ADCYAP1R1: variants seen among roughly 807,000 people sequenced by gnomAD.
ADCYAP1R1 encodes ADCYAP receptor type I.
ADCYAP1R1 carries 44 observed loss-of-function variants against 67.6 expected under a neutral mutation model. The ratio of observed to expected loss-of-function variants is 0.65; its 90% CI spans 0.51 to 0.84. The LOEUF (loss-of-function observed/expected upper bound fraction) is 0.84. ADCYAP1R1 is among the 40% of genes least tolerant of loss of function. The pLI, the probability that ADCYAP1R1 is intolerant of heterozygous loss-of-function variation, is 0.00. For missense variants in ADCYAP1R1, 477 were observed against 587.9 expected (o/e 0.81, Z 1.95); for synonymous variants, 222 against 219.6 (o/e 1.01, Z -0.10).
chr7:31,070,065 T>C (rs1794909148), intron 3 of ADCYAP1R1, among the ~76,000 whole-genome samples: 1 of 152,122 alleles, frequency 6.6e-6, no homozygotes, highest in Non-Finnish European at 1.5e-5. Flanking sequence ...CAGAGCCAGC[T>C]CTGGGGTGGG....
chr7:31,106,226 C>T lies in ADCYAP1R1; in HGVS notation c.1219-270C>T, dbSNP rs149694175. Among the ~76,000 whole-genome samples the T allele has an allele frequency of 2.3e-3, 347 of 152,348 alleles. 1 individual carries two copies. The highest frequency in any genetic ancestry group is 7.8e-3 in the African/African-American group (324 of 41,590). Reference sequence around the variant, plus strand: ...AAGGACCCAATGGACTATTCTCTGCCTGGCCTGAAAACAACAGGGAGCCAT... The same window carrying T: ...AAGGACCCAATGGACTATTCTCTGCTTGGCCTGAAAACAACAGGGAGCCAT... On this transcript the variant is annotated intron_variant, in intron 15 of 15. Coordinates refer to ENST00000304166, the MANE Select transcript of ADCYAP1R1 (RefSeq NM_001118.5).
chr7:31,062,102 T>A (rs1353266557), intron 1 of ADCYAP1R1, among the ~76,000 whole-genome samples: 2 of 152,368 alleles, frequency 1.3e-5, no homozygotes, highest in East Asian at 3.9e-4. Context: ...GATGCTGTGG[T>A]GAATGTGCTT....
chr7:31,077,219 G>T (rs1795271081), intron 3 of ADCYAP1R1, among the ~76,000 whole-genome samples: 1 of 152,232 alleles, frequency 6.6e-6, no homozygotes, highest in African/African-American at 2.4e-5. Flanking sequence ...GCACACCTCA[G>T]TGTGTGTATA....
At chr7:31,081,832 A>G in intron 6 of ADCYAP1R1, 78 bp downstream of exon 6, 1 of 1,263,732 alleles carries the variant, frequency 7.9e-7, no homozygotes, top group Non-Finnish European at 1.1e-6. Flanking sequence ...TGAGAACCCC[A>G]TCCCAGGCTG....
In ADCYAP1R1 at chr7:31,084,222, A is replaced by C. The variant is rs931892669; in HGVS notation, c.410A>C (p.Asp137Ala). The change falls in exon 7 of 16, where the codon GAT becomes GCT. Residue 137 changes from aspartate to alanine, a missense_variant. By Grantham distance (126) the Asp-to-Ala change is moderately radical. Transcript: ENST00000304166. ...CATTACTTTGATGCCTGTGGGTTTG[A>C]TGAATATGAATCTGAGACTGGGGAC... Reference protein sequence around the residue: ...FPHYFDACGFDEYESETGDQD... With the variant: ...FPHYFDACGFAEYESETGDQD... 1 of 1,613,970 alleles carries C rather than the reference A, an allele frequency of 6.2e-7. No individual in the cohort carries two copies. The highest frequency in any genetic ancestry group is 8.5e-7 in the Non-Finnish European group (1 of 1,180,000).
At chr7:31,081,891 C>A in intron 6 of ADCYAP1R1, 137 bp downstream of exon 6, 1 of 616,052 alleles carries the variant, frequency 1.6e-6, no homozygotes, top group Non-Finnish European at 2.8e-6. Context: ...GACTTTTTTT[C>A]TCTGATAAAG....
At position 31,066,996 on chromosome 7, in the gene ADCYAP1R1, C is replaced by T. The variant is rs139125014; in HGVS notation, c.157+2060C>T. The stretch of plus-strand genomic sequence containing the variant: ...GCAGATATTGTGTATTTCATGTCAT[C>T]TCCACTGGAGATGAAGGTGGGGGAA... On this transcript the variant is annotated intron_variant, in intron 3 of 15. Coordinates refer to ENST00000304166, the MANE Select transcript of ADCYAP1R1 (RefSeq NM_001118.5). Among the ~76,000 whole-genome samples, 597 of 152,310 alleles carry T rather than the reference C, an allele frequency of 3.9e-3. 7 individuals are homozygous for T. Among genetic ancestry groups the T allele is most frequent in the African/African-American group, 0.014 (574 of 41,580 alleles).
At position 31,109,196 on chromosome 7, in the gene ADCYAP1R1, T is replaced by A. The variant is rs751436930; in HGVS notation, c.*2512T>A. The stretch of plus-strand genomic sequence containing the variant: ...GCCGGGTTCCTATTGGTTAGTTGGT[T>A]GTTTTTCCGTCTGAGTGAATTTTTG... On this transcript the variant is annotated 3_prime_UTR_variant, in exon 16 of 16. Transcript: ENST00000304166. The A allele has an allele frequency of 1.3e-5, 2 of 152,298 alleles. No individual in the cohort carries two copies. Among genetic ancestry groups the A allele is most frequent in the African/African-American group, 4.8e-5 (2 of 41,462 alleles). 9.4% of individuals were successfully genotyped at this position (152,298 alleles called of 1,614,324 possible).
At chr7:31,072,142 A>G (rs560710760) in intron 3 of ADCYAP1R1, among the ~76,000 whole-genome samples, 22 of 152,148 alleles carry the variant, frequency 1.4e-4, no homozygotes, top group Admixed American at 1.4e-3. Context: ...CAATCTTAAA[A>G]TCTCAGAAAC....
chr7:31,068,203 G>A (rs559097931), intron 3 of ADCYAP1R1, among the ~76,000 whole-genome samples: 24 of 146,474 alleles, frequency 1.6e-4, no homozygotes, highest in African/African-American at 6.1e-4. Flanking sequence ...AGACACGCAC[G>A]CATGTGCGCG....
intron 13 of ADCYAP1R1, 111 bp from the exon 14 acceptor site, chr7:31,103,126 G>A: frequency 6.9e-7 from 1 of 1,456,558 alleles, no homozygotes; most frequent in Non-Finnish European, 9.3e-7. Flanking sequence ...GTGGACACGG[G>A]CCCCAGCTTG....
At chr7:31,087,095 C>A in intron 11 of ADCYAP1R1, 92 bp downstream of exon 11, 8 of 1,395,578 alleles carry the variant, frequency 5.7e-6, no homozygotes, top group Middle Eastern at 4.2e-4. Context: ...ATGAACTGCC[C>A]GCAACAAACC....
intron 12 of ADCYAP1R1, among the ~76,000 whole-genome samples, chr7:31,090,206 A>G (rs184840710): frequency 6.6e-6 from 1 of 152,074 alleles, no homozygotes; most frequent in East Asian, 1.9e-4. Context: ...TAGATTTTCT[A>G]TTTCTTCTTA....
chr7:31,077,437 GTGAT>G (rs1184959198), intron 3 of ADCYAP1R1, among the ~76,000 whole-genome samples: 20 of 148,570 alleles, frequency 1.3e-4, no homozygotes, highest in African/African-American at 4.2e-4. Context: ...GTGTATATGT[GTGAT>G]TGTGTGTGGT....
At chr7:31,084,911 C>T in intron 8 of ADCYAP1R1, 77 bp downstream of exon 8, 2 of 1,319,842 alleles carry the variant, frequency 1.5e-6, no homozygotes, top group South Asian at 1.2e-5. Flanking sequence ...CTCTCCCCTC[C>T]CCCCTTGATG....
chr7:31,104,375 C>G (rs1285459040), intron 14 of ADCYAP1R1, among the ~76,000 whole-genome samples: 1 of 152,232 alleles, frequency 6.6e-6, no homozygotes, highest in South Asian at 2.1e-4. Context: ...AGTGCATACG[C>G]TGTGCCAAGT....
chr7:31,092,383 A>G (rs373465273), intron 12 of ADCYAP1R1, among the ~76,000 whole-genome samples: 1 of 151,928 alleles, frequency 6.6e-6, no homozygotes, highest in South Asian at 2.1e-4. Flanking sequence ...TTTCTCTTTT[A>G]GAAATGGCTT....
intron 13 of ADCYAP1R1, chr7:31,095,800 C>G (rs1483131390): frequency 4.2e-6 from 3 of 712,578 alleles, no homozygotes; most frequent in Non-Finnish European, 5.2e-6. Context: ...CTCCATAGAC[C>G]AAGACGGTAT....
At chr7:31,062,326 C>T (rs996715438) in intron 1 of ADCYAP1R1, among the ~76,000 whole-genome samples, 2 of 152,180 alleles carry the variant, frequency 1.3e-5, no homozygotes, top group Non-Finnish European at 2.9e-5. Flanking sequence ...CCCCTTGGAG[C>T]TCCTGCAGCT....
Sources: allele counts gnomAD v4.1 joint callset (sites outside exome capture counted in the v4.1 genomes callset), GRCh38; gene constraint gnomAD v4.1.1; transcripts MANE v1.5; gene names NCBI Gene and HGNC (gene_info 2026-07-23, HGNC 2026-07-21).